The following TMC1 variants were observed in gnomAD, a reference collection of about 807,000 sequenced individuals.
TMC1 encodes transmembrane channel like 1, also known as transmembrane channel-like protein 1.
In TMC1, 84 loss-of-function variants were observed where a neutral mutation model predicts 105.8. The observed-to-expected ratio is 0.79, with a 90% CI of 0.67 to 0.95. The LOEUF is 0.95. TMC1 is among the 40% of genes least tolerant of loss of function. The pLI is 0.00. For synonymous variants in TMC1, 315 were observed against 311.5 expected (o/e 1.01, Z -0.12); for missense variants, 817 against 914.1 (o/e 0.89, Z 1.37).
At chr9:72,677,330 C>A (rs1826219035) in intron 5 of TMC1, among the ~76,000 whole-genome samples, 1 of 152,070 alleles carries the variant, frequency 6.6e-6, no homozygotes, top group South Asian at 2.1e-4. Flanking sequence ...TCTTGCTCAG[C>A]CTTTGGTTCT....
intron 2 of TMC1, among the ~76,000 whole-genome samples, chr9:72,611,728 A>T (rs1825027795): frequency 6.6e-6 from 1 of 152,186 alleles, no homozygotes; most frequent in African/African-American, 2.4e-5. Flanking sequence ...GAAAGGATAC[A>T]AATGAAGTTA....
At chr9:72,808,283 G>A (rs1435747916) in intron 18 of TMC1, among the ~76,000 whole-genome samples, 1 of 152,168 alleles carries the variant, frequency 6.6e-6, no homozygotes, top group Non-Finnish European at 1.5e-5. Flanking sequence ...ACACAAGATG[G>A]TCCTTGCATT....
At chr9:72,649,087 A>C (rs910662967) in intron 5 of TMC1, among the ~76,000 whole-genome samples, 8 of 152,234 alleles carry the variant, frequency 5.3e-5, no homozygotes, top group Non-Finnish European at 1.0e-4. Flanking sequence ...GTTCTAAATT[A>C]AGTTGAGAAG....
At chr9:72,742,378 T>G (rs1827404550) in intron 9 of TMC1, 66 bp from the exon 10 acceptor site, 1 of 1,238,046 alleles carries the variant, frequency 8.1e-7, no homozygotes, top group African/African-American at 1.5e-5. Flanking sequence ...TGTTTTGAGG[T>G]GGGGGATAAA....
intron 1 of TMC1, among the ~76,000 whole-genome samples, chr9:72,541,615 G>A (rs1823678930): frequency 6.6e-6 from 1 of 151,724 alleles, no homozygotes; most frequent in Non-Finnish European, 1.5e-5. Context: ...TTGAACCCAG[G>A]AGGTGGAGGT....
At chr9:72,802,618 A>G (rs1199871245) in intron 17 of TMC1, among the ~76,000 whole-genome samples, 3 of 152,166 alleles carry the variant, frequency 2.0e-5, no homozygotes, top group African/African-American at 7.2e-5. Flanking sequence ...GGCAGAAATC[A>G]AGATGTTCCT....
chr9:72,569,044 C>A (rs373679527), intron 1 of TMC1, among the ~76,000 whole-genome samples: 1 of 152,154 alleles, frequency 6.6e-6, no homozygotes. Flanking sequence ...TAAATACAGT[C>A]ATCCCTTGGT....
At chr9:72,806,194 CCGGACGGGGCGG>C (rs1828576592) in intron 18 of TMC1, among the ~76,000 whole-genome samples, 1 of 132,654 alleles carries the variant, frequency 7.5e-6, no homozygotes, top group Non-Finnish European at 1.8e-5. Context: ...ACCTCCCCTC[CCGGACGGGGCGG>C]CTGGCCGGGC....
Position 72,555,973 on chromosome 9 carries a change from CAAAAAAAAAAAAAAAAAA to C in TMC1, c.-427-21915_-427-21898del, listed in dbSNP as rs59431883. Reference sequence around the variant, plus strand: ...CAGGAAAACCAATCTATGACTAAGGCAAAAAAAAAAAAAAAAAAAAAAAAAAAAAAAGTTGCACAGAGA... The same window carrying C: ...CAGGAAAACCAATCTATGACTAAGGCAAAAAAAAAAAAAGTTGCACAGAGA... On this transcript the variant is annotated intron_variant, in intron 1 of 23. Coordinates refer to ENST00000297784, the MANE Select transcript of TMC1 (RefSeq NM_138691.3). Among the ~76,000 whole-genome samples the C allele has an allele frequency of 9.4e-5, 4 of 42,566 alleles. 1 individual carries two copies. The highest frequency in any genetic ancestry group is 2.9e-3 in the South Asian group (2 of 680). 27.9% of individuals were successfully genotyped at this position (42,566 alleles called of 152,430 possible).
intron 17 of TMC1, among the ~76,000 whole-genome samples, chr9:72,795,947 A>G (rs1261191551): frequency 6.6e-6 from 1 of 152,126 alleles, no homozygotes; most frequent in East Asian, 1.9e-4. Flanking sequence ...AAATAAAGGG[A>G]TGGAAGAAAA....
chr9:72,649,622 G>GA (rs1208917791), intron 5 of TMC1, among the ~76,000 whole-genome samples: 2 of 151,988 alleles, frequency 1.3e-5, no homozygotes, highest in Non-Finnish European at 2.9e-5. Context: ...CATTGCTTTT[G>GA]AAAAAACAAA....
intron 1 of TMC1, among the ~76,000 whole-genome samples, chr9:72,540,850 C>T (rs1823662794): frequency 6.6e-6 from 1 of 152,134 alleles, no homozygotes; most frequent in South Asian, 2.1e-4. Context: ...ACTCTGTGTC[C>T]TTATTTTCTT....
chr9:72,607,098 A>G (rs1048617512), intron 2 of TMC1, among the ~76,000 whole-genome samples: 3 of 151,940 alleles, frequency 2.0e-5, no homozygotes, highest in African/African-American at 7.3e-5. Context: ...TCTTTTTATC[A>G]TCCAGAACAT....
intron 8 of TMC1, among the ~76,000 whole-genome samples, chr9:72,708,569 G>T (rs937631088): frequency 6.6e-6 from 1 of 151,098 alleles, no homozygotes; most frequent in Non-Finnish European, 1.5e-5. Context: ...TTCTCAGCTT[G>T]GTCACTGTTG....
intron 5 of TMC1, among the ~76,000 whole-genome samples, chr9:72,675,051 A>G (rs929558816): frequency 1.3e-5 from 2 of 152,194 alleles, no homozygotes; most frequent in African/African-American, 4.8e-5. Context: ...CAGGACTCAG[A>G]AATCTTTCAA....
chr9:72,768,087 T>C (rs778435611), intron 12 of TMC1, among the ~76,000 whole-genome samples: 3 of 152,172 alleles, frequency 2.0e-5, no homozygotes, highest in Non-Finnish European at 4.4e-5. Flanking sequence ...TGCCCATCAA[T>C]GATAGACTGG....
intron 17 of TMC1, among the ~76,000 whole-genome samples, chr9:72,805,021 C>T (rs1057009125): frequency 6.6e-6 from 1 of 152,136 alleles, no homozygotes; most frequent in Non-Finnish European, 1.5e-5. Flanking sequence ...CTATCATATA[C>T]GTTGCAAGCA....
intron 2 of TMC1, among the ~76,000 whole-genome samples, chr9:72,585,432 G>A (rs1244075535): frequency 6.6e-6 from 1 of 151,792 alleles, no homozygotes. Flanking sequence ...TTACAGGCGG[G>A]AGCCACTGCG....
chr9:72,689,450 G>C (rs555597177), intron 6 of TMC1, among the ~76,000 whole-genome samples: 68 of 152,158 alleles, frequency 4.5e-4, no homozygotes, highest in African/African-American at 7.5e-4. Flanking sequence ...ATGTCTGCTA[G>C]GTCTGTTTGA....
Sources: allele counts gnomAD v4.1 joint callset (sites outside exome capture counted in the v4.1 genomes callset), GRCh38; gene constraint gnomAD v4.1.1; transcripts MANE v1.5; gene names NCBI Gene and HGNC (gene_info 2026-07-23, HGNC 2026-07-21).